Variants in MAF observed in about 807,000 individuals in gnomAD.
MAF encodes the protein MAF bZIP transcription factor.
A neutral mutation model predicts 22.0 loss-of-function variants in MAF; 10 were observed. The ratio of observed to expected loss-of-function variants is 0.45; its 90% confidence interval spans 0.28 to 0.77. MAF has a LOEUF of 0.77. MAF is among the 30% of genes least tolerant of loss of function. The pLI is 0.12. For synonymous variants in MAF, 337 were observed against 255.8 expected (o/e 1.32, Z -3.03); for missense variants, 544 against 548.4 (o/e 0.99, Z 0.08).
chr16:79,338,847 T>A, the MAF span, among the ~76,000 whole-genome samples: 1 of 152,150 alleles, frequency 6.6e-6, no homozygotes, highest in African/African-American at 2.4e-5. Flanking sequence ...AGGGTTAGTG[T>A]GGGTGAGCTG....
At chr16:79,462,083 G>T in the MAF span, among the ~76,000 whole-genome samples, 1 of 151,994 alleles carries the variant, frequency 6.6e-6, no homozygotes. Context: ...GCCTCCCCTC[G>T]CCTATCTGGG....
the MAF span, among the ~76,000 whole-genome samples, chr16:79,445,395 T>C: frequency 6.6e-6 from 1 of 152,178 alleles, no homozygotes; most frequent in Non-Finnish European, 1.5e-5. Context: ...AGGTTGTTTG[T>C]TTGTTTAATC....
At chr16:79,390,584 A>G in the MAF span, among the ~76,000 whole-genome samples, 120 of 152,322 alleles carry the variant, frequency 7.9e-4, no homozygotes, top group Non-Finnish European at 8.4e-4. Context: ...TCTGAAAACC[A>G]ATTATGAAAA....
At chr16:79,583,861 G>A (rs192477828), downstream of MAF, among the ~76,000 whole-genome samples, 137 of 152,304 alleles carry the variant, frequency 9.0e-4, no homozygotes, top group Admixed American at 1.9e-3. Context: ...AGGCATACAA[G>A]GAGTGTGCAG....
the MAF span, among the ~76,000 whole-genome samples, chr16:79,402,580 G>A: frequency 5.3e-5 from 8 of 152,242 alleles, no homozygotes; most frequent in African/African-American, 1.7e-4. Context: ...AGCAGGGCTG[G>A]CGTGCAGGCT....
the MAF span, among the ~76,000 whole-genome samples, chr16:79,362,569 G>A: frequency 2.0e-4 from 30 of 152,314 alleles, no homozygotes; most frequent in African/African-American, 7.2e-4. Context: ...TTAGAAAGTT[G>A]CGAATGAACT....
chr16:79,367,769 G>A, the MAF span, among the ~76,000 whole-genome samples: 5 of 152,194 alleles, frequency 3.3e-5, no homozygotes, highest in Admixed American at 1.3e-4. Context: ...ATCTTGGACA[G>A]CACAGACTGA....
At chr16:79,573,035 T>C in the MAF span, among the ~76,000 whole-genome samples, 1 of 152,212 alleles carries the variant, frequency 6.6e-6, no homozygotes, top group Non-Finnish European at 1.5e-5. Context: ...AGGTTGAACA[T>C]TGTTTCATAA....
chr16:79,384,493 C>G, the MAF span, among the ~76,000 whole-genome samples: 3 of 149,030 alleles, frequency 2.0e-5, 1 homozygote, highest in African/African-American at 7.5e-5. Context: ...CATGGTGGCT[C>G]ACGCCTGTAA....
the MAF span, among the ~76,000 whole-genome samples, chr16:79,357,725 C>CT: frequency 1.3e-5 from 2 of 151,972 alleles, no homozygotes; most frequent in Non-Finnish European, 2.9e-5. Context: ...GCCCAGGTGA[C>CT]TACTCAGGGA....
the MAF span, among the ~76,000 whole-genome samples, chr16:79,385,101 T>C: frequency 6.6e-6 from 1 of 152,180 alleles, no homozygotes; most frequent in African/African-American, 2.4e-5. Context: ...TAGACATAGG[T>C]GGATTTTTTT....
chr16:79,387,789 T>C, the MAF span, among the ~76,000 whole-genome samples: 11 of 152,212 alleles, frequency 7.2e-5, no homozygotes, highest in African/African-American at 2.7e-4. Context: ...AATAACACCA[T>C]ATATTTAAAA....
the MAF span, among the ~76,000 whole-genome samples, chr16:79,327,879 G>A: frequency 6.6e-6 from 1 of 152,202 alleles, no homozygotes; most frequent in Admixed American, 6.5e-5. Context: ...ATCCTTTACA[G>A]AGTGTTCTTT....
chr16:79,210,518 G>A, the MAF span, among the ~76,000 whole-genome samples: 859 of 152,278 alleles, frequency 5.6e-3, 2 homozygotes, highest in Non-Finnish European at 9.1e-3. Context: ...TTTTCCTTGT[G>A]GGGGCGAGCT....
chr16:79,363,231 C>G, the MAF span, among the ~76,000 whole-genome samples: 1 of 152,270 alleles, frequency 6.6e-6, no homozygotes, highest in Admixed American at 6.5e-5. Context: ...TCTTAAGGAT[C>G]GCTCAGCTCT....
intron 1 of MAF, among the ~76,000 whole-genome samples, chr16:79,587,711 A>G (rs1297089060): frequency 1.1e-4 from 17 of 152,132 alleles, no homozygotes. Flanking sequence ...TTTGGAGGAA[A>G]AAAAACAGGC....
chr16:79,494,084 G>A, the MAF span, among the ~76,000 whole-genome samples: 1 of 152,088 alleles, frequency 6.6e-6, no homozygotes, highest in Admixed American at 6.5e-5. Flanking sequence ...AGCCTAGCCA[G>A]GAATCCAGAG....
the MAF span, among the ~76,000 whole-genome samples, chr16:79,374,404 C>T: frequency 6.6e-6 from 1 of 152,186 alleles, no homozygotes; most frequent in Non-Finnish European, 1.5e-5. Flanking sequence ...TTTCTCTTCT[C>T]CAAGCTTCAT....
chr16:79,597,800 C>CTTT (rs34352423), intron 1 of MAF: 61 of 891,112 alleles, frequency 6.8e-5, no homozygotes, highest in Middle Eastern at 5.4e-4. Context: ...AGCATGCAGG[C>CTTT]TTTTTTTTTT....
Sources: gnomAD v4.1 joint callset for allele counts (sites outside exome capture counted in the v4.1 genomes callset) on GRCh38, gnomAD v4.1.1 for gene constraint, MANE v1.5 for transcripts, NCBI Gene and HGNC (gene_info 2026-07-23, HGNC 2026-07-21) for gene names.